Variants in B4GALNT2 observed in about 807,000 individuals in gnomAD.
The protein encoded by B4GALNT2 is beta-1,4-N-acetyl-galactosaminyltransferase 2 (SID blood group), also known as N-acetylneuraminylgalactosylglucosyl-glucoside beta-1,4-N- acetylgalactosaminyltransferase 2.
A neutral mutation model predicts 51.1 loss-of-function variants in B4GALNT2; 42 were observed. The observed-to-expected ratio is 0.82, with a 90% CI of 0.64 to 1.06. B4GALNT2 has a LOEUF of 1.06. B4GALNT2 is among the 50% of genes least tolerant of loss of function. B4GALNT2 has a pLI of 0.00. For missense variants in B4GALNT2, 602 were observed against 633.6 expected (o/e 0.95, Z 0.54); for synonymous variants, 253 against 251.7 (o/e 1.01, Z -0.05).
At chr17:49,169,230 T>G (rs1047481145) in intron 10 of B4GALNT2, among the ~76,000 whole-genome samples, 2 of 152,108 alleles carry the variant, frequency 1.3e-5, no homozygotes, top group Non-Finnish European at 2.9e-5. Flanking sequence ...GCTCTCTCTT[T>G]CCCTCTTACT....
chr17:49,141,196 A>G (rs1368981893), intron 1 of B4GALNT2, 51 bp from the exon 2 acceptor site: 4 of 1,541,330 alleles, frequency 2.6e-6, no homozygotes, highest in Non-Finnish European at 3.6e-6. Flanking sequence ...TATACATTAC[A>G]TAATCAAGAA....
intron 1 of B4GALNT2, among the ~76,000 whole-genome samples, chr17:49,138,161 C>T (rs2042607105): frequency 6.6e-6 from 1 of 152,078 alleles, no homozygotes; most frequent in Non-Finnish European, 1.5e-5. Context: ...TCTAAATTTC[C>T]TATATATTAA....
chr17:49,155,786 A>C (rs1353418038), intron 4 of B4GALNT2, among the ~76,000 whole-genome samples: 1 of 151,388 alleles, frequency 6.6e-6, no homozygotes, highest in Non-Finnish European at 1.5e-5. Flanking sequence ...TGCAGTGTCG[A>C]GATCTCGGCT....
In B4GALNT2 at chr17:49,168,861, G is replaced by A. The variant is rs564089824; in HGVS notation, c.1276G>A (p.Val426Ile). 6.2e-7 allele frequency: 1 copy of A among 1,613,152 alleles called. No homozygotes were observed. The highest frequency in any genetic ancestry group is 8.5e-7 in the Non-Finnish European group (1 of 1,179,974). The change falls in exon 10 of 11, where the codon GTT becomes ATT. Residue 426 changes from valine (V) to isoleucine (I), a missense_variant. Transcript: ENST00000393354. ...FLAHTERLQR[V>I]GFDPRLQRVA... ...GGCCCACACGGAGCGACTCCAAAGAGTTGGCTTTGATCCCCGCCTGCAACG... is the reference window on the plus strand; with the variant it reads ...GGCCCACACGGAGCGACTCCAAAGAATTGGCTTTGATCCCCGCCTGCAACG...
In B4GALNT2 at chr17:49,174,313, C is replaced by G. The variant is rs2144355095; in HGVS notation, c.*4585C>G. 6.6e-6 allele frequency: 1 copy of G among 152,274 alleles called. No homozygotes were observed. Among genetic ancestry groups the G allele is most frequent in the South Asian group, 2.1e-4 (1 of 4,828 alleles). The allele number at this position is 152,274 out of a possible 1,614,324, so 9.4% of individuals were successfully genotyped here. On this transcript the variant is annotated 3_prime_UTR_variant, in exon 11 of 11. Transcript: ENST00000393354. The stretch of plus-strand genomic sequence containing the variant: ...GTTCAATTGTTTGCCCTACATAAGT[C>G]TGGCAAATTGTTGGACTGTTTAACA...
rs776330460 is a variant in B4GALNT2 at position 49,142,177 on chromosome 17, T to C, written c.353+5T>C. The C allele has an allele frequency of 1.9e-6, 3 of 1,613,784 alleles. No homozygotes were observed. Among genetic ancestry groups the C allele is most frequent in the African/African-American group, 2.7e-5 (2 of 74,838 alleles). ...ATTTGAACACTTTCAGAGGAGGTAA[T>C]GCGGGTCATGAAGGCCCTTGGGTTC... On this transcript the variant is annotated splice_donor_5th_base_variant and intron_variant, in intron 3 of 10. Coordinates refer to ENST00000393354, the MANE Select transcript of B4GALNT2 (RefSeq NM_001159387.2).
In B4GALNT2 at chr17:49,159,111, C is replaced by T. The variant is rs1322438060; in HGVS notation, c.573C>T (p.Gly191=). ...DVPDSVVQGR[G]QKQLIISTSD... ...CAGACAGTGTGGTGCAGGGCAGAGGCCAGAAGCAGCTGATCATTTCTACCA... is the reference window on the plus strand; with the variant it reads ...CAGACAGTGTGGTGCAGGGCAGAGGTCAGAAGCAGCTGATCATTTCTACCA... Residue 191 remains glycine, a synonymous_variant, in exon 6 of 11, where the codon GGC becomes GGT. Transcript: ENST00000393354. 6.2e-7 allele frequency: 1 copy of T among 1,614,070 alleles called. No homozygotes were observed. Among genetic ancestry groups the T allele is most frequent in the Admixed American group, 1.7e-5 (1 of 60,000 alleles).
At chr17:49,138,390 T>C (rs1269018876) in intron 1 of B4GALNT2, among the ~76,000 whole-genome samples, 1 of 152,224 alleles carries the variant, frequency 6.6e-6, no homozygotes, top group East Asian at 1.9e-4. Flanking sequence ...TGGGTCATTT[T>C]GTGTTATGTT....
rs2042954639 is a variant in B4GALNT2, at chr17:49,171,065, T to A, written c.*1337T>A. Reference sequence around the variant, plus strand: ...ACCTTCAGTTTGGGCATCATGGCCATCATGAACATGTCACAGTACTGCAGA... The same window carrying A: ...ACCTTCAGTTTGGGCATCATGGCCAACATGAACATGTCACAGTACTGCAGA... On this transcript the variant is annotated 3_prime_UTR_variant, in exon 11 of 11. Coordinates refer to ENST00000393354, the MANE Select transcript of B4GALNT2 (RefSeq NM_001159387.2). The A allele has an allele frequency of 6.0e-6, 1 of 165,724 alleles. No homozygotes were observed. The highest frequency in any genetic ancestry group is 5.8e-5 in the Admixed American group (1 of 17,152). 10.3% of individuals were successfully genotyped at this position (165,724 alleles called of 1,614,324 possible).
intron 1 of B4GALNT2, among the ~76,000 whole-genome samples, chr17:49,140,072 A>G (rs554981933): frequency 2.8e-4 from 42 of 149,586 alleles, no homozygotes; most frequent in African/African-American, 1.0e-3. Flanking sequence ...ATTTATAATA[A>G]CCACGTGAAT....
chr17:49,132,314 C>G (rs2042546384), upstream of B4GALNT2: 1 of 163,572 alleles, frequency 6.1e-6, no homozygotes, highest in Non-Finnish European at 1.3e-5. Flanking sequence ...GGTCCCTGCC[C>G]GTTAGAAGGA....
chr17:49,141,201 C>T (rs753183246), intron 1 of B4GALNT2, 46 bp from the exon 2 acceptor site: 1 of 1,559,398 alleles, frequency 6.4e-7, no homozygotes, highest in South Asian at 1.1e-5. Context: ...ATTACATAAT[C>T]AAGAAAAAAG....
At chr17:49,128,770 A>G (rs777856042), upstream of B4GALNT2, among the ~76,000 whole-genome samples, 6 of 152,194 alleles carry the variant, frequency 3.9e-5, no homozygotes, top group Non-Finnish European at 7.3e-5. Context: ...CTTTGGCTTT[A>G]TATTTCCTGT....
At chr17:49,135,439 C>G (rs537782547) in intron 1 of B4GALNT2, among the ~76,000 whole-genome samples, 124 of 151,830 alleles carry the variant, frequency 8.2e-4, no homozygotes, top group African/African-American at 2.9e-3. Flanking sequence ...CCACCATGCC[C>G]GCCTAAGATG....
chr17:49,124,387 A>G, the B4GALNT2 span, among the ~76,000 whole-genome samples: 1 of 152,254 alleles, frequency 6.6e-6, no homozygotes, highest in East Asian at 1.9e-4. Context: ...GGACCAAAAC[A>G]AGACAACAAT....
At chr17:49,164,002 C>A in intron 7 of B4GALNT2, 86 bp from the exon 8 acceptor site, 1 of 1,341,080 alleles carries the variant, frequency 7.5e-7, no homozygotes, top group Non-Finnish European at 1.0e-6. Context: ...CAGGTTATGG[C>A]AGAAAGAAGC....
chr17:49,132,750 A>G, upstream of B4GALNT2: 1 of 1,386,764 alleles, frequency 7.2e-7, no homozygotes, highest in Non-Finnish European at 9.3e-7. Flanking sequence ...CCTGGCTGCT[A>G]GGCTCCGTGA....
At chr17:49,147,957 T>C (rs2042712161) in intron 3 of B4GALNT2, among the ~76,000 whole-genome samples, 1 of 138,182 alleles carries the variant, frequency 7.2e-6, no homozygotes, top group Non-Finnish European at 1.5e-5. Flanking sequence ...AATTTGTTTT[T>C]TTATTCAATT....
At chr17:49,158,467 C>G (rs2042830377) in intron 5 of B4GALNT2, among the ~76,000 whole-genome samples, 1 of 152,026 alleles carries the variant, frequency 6.6e-6, no homozygotes, top group South Asian at 2.1e-4. Context: ...AAGCCCGTCT[C>G]TACTAAACAT....
Sources: allele counts gnomAD v4.1 joint callset (sites outside exome capture counted in the v4.1 genomes callset), GRCh38; gene constraint gnomAD v4.1.1; transcripts MANE v1.5; gene names NCBI Gene and HGNC (gene_info 2026-07-23, HGNC 2026-07-21).